SLC9A5: variants seen among roughly 807,000 people sequenced by gnomAD.
The protein encoded by SLC9A5 is solute carrier family 9 member A5.
In SLC9A5, 52 loss-of-function variants were observed where a neutral mutation model predicts 91.7. The ratio of observed to expected loss-of-function variants is 0.57; its 90% CI spans 0.45 to 0.71. The LOEUF is 0.71. Among genes scored for constraint, SLC9A5 ranks in the 30% least tolerant of loss-of-function variants. SLC9A5 has a pLI of 0.00. For missense variants in SLC9A5, 871 were observed against 1,158.9 expected, an observed-to-expected ratio of 0.75 and a Z score of 3.61; for synonymous variants, 419 against 474.5, an observed-to-expected ratio of 0.88 and a Z score of 1.52.
intron 2 of SLC9A5, among the ~76,000 whole-genome samples, 161 bp downstream of exon 2, chr16:67,253,005 A>C (rs915752065): frequency 3.3e-5 from 5 of 152,220 alleles, no homozygotes; most frequent in African/African-American, 4.8e-5. Flanking sequence ...TTCAGGCCTC[A>C]TTGAGGTCTC....
chr16:67,249,034 C>T lies in SLC9A5; in HGVS notation c.20C>T (p.Ser7Phe). ...GGCAGGATGCTGCGCGCCGCCCTGT[C>T]CCTGCTCGCGCTGCCCCTGGCGGGG... is the stretch of plus-strand genomic sequence containing the variant. Reference protein sequence around the residue: MLRAALSLLALPLAGAA... With the variant: MLRAALFLLALPLAGAA... Residue 7 changes from serine (S) to phenylalanine (F), a missense_variant, in exon 1 of 16, where the codon TCC (serine) becomes TTC (phenylalanine). Ser to Phe is a radical substitution (Grantham distance 155). Around this residue, in one of 3 missense-constraint regions of SLC9A5, gnomAD observed 122 missense variants for 114.5 expected, o/e 1.07. Transcript: ENST00000299798. 6.7e-7 allele frequency: 1 copy of T among 1,488,324 alleles called. No homozygotes were observed. 92.2% of individuals were successfully genotyped at this position (1,488,324 alleles called of 1,614,324 possible). A position where few individuals can be genotyped will look rare whatever the true frequency, so the allele number is the denominator to read the frequency against.
chr16:67,257,352 C>T lies in SLC9A5; in HGVS notation c.1343C>T (p.Thr448Ile). 2.5e-6 allele frequency: 4 copies of T among 1,613,482 alleles called. No individual in the cohort carries two copies. The highest frequency in any genetic ancestry group is 2.5e-6 in the Non-Finnish European group (3 of 1,179,366). The stretch of plus-strand genomic sequence containing the variant: ...CCTCCTGCCTGTCCATAGGGCTTGA[C>T]CATCAAGCCACTGGTCAAATGGCTG... Reference protein sequence around the residue: ...VFFTVIVQGLTIKPLVKWLKV... With the variant: ...VFFTVIVQGLIIKPLVKWLKV... The change falls in exon 8 of 16, where the codon ACC (threonine) becomes ATC (isoleucine). Residue 448 changes from threonine (T) to isoleucine (I), a missense_variant. Physicochemically the swap from Thr to Ile is moderately conservative, Grantham distance 89. Coordinates refer to ENST00000299798, the MANE Select transcript of SLC9A5 (RefSeq NM_004594.3). This position sits in a 1 kb window ranked among gnomAD's most constrained non-coding sequence, Gnocchi z 5.1.
In SLC9A5 at chr16:67,271,167, C is replaced by T. The variant is rs1322948420; in HGVS notation, c.2648C>T (p.Thr883Ile). The T allele has an allele frequency of 3.1e-6, 5 of 1,612,926 alleles. No individual in the cohort carries two copies. Among genetic ancestry groups the T allele is most frequent in the Admixed American group, 1.7e-5 (1 of 60,008 alleles). ...ACCCATCTCAGCCCAGGCACCGCTA[C>T]CTCCCACTGGTGCATCCAGTTCAAC... ...DHTHLSPGTA[T>I]SHWCIQFNRG... The change falls in exon 16 of 16, where the codon ACC becomes ATC. Residue 883 changes from threonine (T) to isoleucine (I), a missense_variant. This residue lies in a region of SLC9A5 where 295 missense variants were observed against 326.0 expected (regional missense o/e 0.90). Transcript: ENST00000299798.
Position 67,256,877 on chromosome 16 carries a change from C to T in SLC9A5, c.1133-34C>T, listed in dbSNP as rs764777990. ...CCGGTCCCACGTCCTCCACTCCCAA[C>T]GCTTTGCTCCCACTGGCCTCCCTCC... is the stretch of plus-strand genomic sequence containing the variant. On this transcript the variant is annotated intron_variant, in intron 6 of 15. Coordinates refer to ENST00000299798, the MANE Select transcript of SLC9A5 (RefSeq NM_004594.3). This position sits in a 1 kb window ranked among gnomAD's most constrained non-coding sequence, Gnocchi z 4.1. 12 of 1,605,756 alleles carry T rather than the reference C, an allele frequency of 7.5e-6. No homozygotes were observed. The highest frequency in any genetic ancestry group is 4.5e-5 in the East Asian group (2 of 44,844).
chr16:67,269,297 T>C (rs572562245), intron 15 of SLC9A5, among the ~76,000 whole-genome samples: 3 of 151,442 alleles, frequency 2.0e-5, no homozygotes, highest in African/African-American at 7.3e-5. Flanking sequence ...CTAGGCATGG[T>C]GGTGGGCACC....
rs1352014137 is a variant in SLC9A5, at chr16:67,257,671, C to G, written c.1496+70C>G. 2.6e-6 allele frequency: 4 copies of G among 1,509,724 alleles called. No homozygotes were observed. Among genetic ancestry groups the G allele is most frequent in the Non-Finnish European group, 3.7e-6 (4 of 1,087,196 alleles). The allele number at this position is 1,509,724 out of a possible 1,614,324, so 93.5% of individuals were successfully genotyped here. The stretch of plus-strand genomic sequence containing the variant: ...CAGCCAGGGAAGCATGGGGGATGTG[C>G]CACACTTCTGAGAAGGGACAGAGCC... On this transcript the variant is annotated intron_variant, in intron 9 of 15. Transcript: ENST00000299798. The surrounding 1 kb of genome is among the most constrained non-coding windows in gnomAD (Gnocchi z 5.1).
chr16:67,257,720 C>A lies in SLC9A5; in HGVS notation c.1496+119C>A. The A allele has an allele frequency of 9.9e-7, 1 of 1,009,888 alleles. No individual in the cohort carries two copies. The highest frequency in any genetic ancestry group is 1.5e-6 in the Non-Finnish European group (1 of 660,440). 62.6% of individuals were successfully genotyped at this position (1,009,888 alleles called of 1,614,324 possible). A position where few individuals can be genotyped will look rare whatever the true frequency, so the allele number is the denominator to read the frequency against. On this transcript the variant is annotated intron_variant, in intron 9 of 15. Transcript: ENST00000299798. This position sits in a 1 kb window ranked among gnomAD's most constrained non-coding sequence, Gnocchi z 5.1. ...CCAGGTTCAGGCTGGGTGACCTCTGCCTGAAGCCCTTCAGTGGCATCCCAG... is the reference window on the plus strand; with the variant it reads ...CCAGGTTCAGGCTGGGTGACCTCTGACTGAAGCCCTTCAGTGGCATCCCAG...
rs939453669 is a variant in SLC9A5, at chr16:67,251,403, C to CTTT, written c.188-1113_188-1111dup. 8.3e-4 allele frequency among the ~76,000 whole-genome samples: 54 copies of CTTT among 64,814 alleles called. 7 individuals are homozygous for CTTT. Among genetic ancestry groups the CTTT allele is most frequent in the African/African-American group, 2.0e-3 (26 of 13,256 alleles). The allele number at this position is 64,814 out of a possible 152,430, so 42.5% of individuals were successfully genotyped here. On this transcript the variant is annotated intron_variant, in intron 1 of 15. Coordinates refer to ENST00000299798, the MANE Select transcript of SLC9A5 (RefSeq NM_004594.3). ...TGCTAAGTGCTTTTGAGTAGATTGT[C>CTTT]TTTTTTTTTTTTTTTTTTTTTTTTT...
Position 67,258,626 on chromosome 16 carries a change from G to A in SLC9A5, c.1626+179G>A, listed in dbSNP as rs913309170. ...GCTGGGTCTGGTGCTGACATTCAGA[G>A]TCTGGCAGGCAGTCCAGAGAGGTGG... On this transcript the variant is annotated intron_variant, in intron 10 of 15. Coordinates refer to ENST00000299798, the MANE Select transcript of SLC9A5 (RefSeq NM_004594.3). This position sits in a 1 kb window ranked among gnomAD's most constrained non-coding sequence, Gnocchi z 4.5. 9.8e-5 allele frequency among the ~76,000 whole-genome samples: 15 copies of A among 152,354 alleles called. No individual in the cohort carries two copies. The highest frequency in any genetic ancestry group is 2.4e-4 in the African/African-American group (10 of 41,576).
chr16:67,252,115 A>C lies in SLC9A5; in HGVS notation c.188-427A>C, dbSNP rs1295556452. Among the ~76,000 whole-genome samples the C allele has an allele frequency of 6.6e-6, 1 of 152,070 alleles. No individual in the cohort carries two copies. On this transcript the variant is annotated intron_variant, in intron 1 of 15. Transcript: ENST00000299798. This position sits in a 1 kb window ranked among gnomAD's most constrained non-coding sequence, Gnocchi z 4.0. Reference sequence around the variant, plus strand: ...AGGGTTTGTAGCCCTGGAGATTGGAAATTCTAGAAGTCTTGCATATTTCTC... The same window carrying C: ...AGGGTTTGTAGCCCTGGAGATTGGACATTCTAGAAGTCTTGCATATTTCTC...
chr16:67,271,408 C>T lies in SLC9A5; in HGVS notation c.*198C>T. 1.7e-6 allele frequency: 1 copy of T among 599,148 alleles called. No individual in the cohort carries two copies. Among genetic ancestry groups the T allele is most frequent in the South Asian group, 2.0e-5 (1 of 49,880 alleles). The allele number at this position is 599,148 out of a possible 1,614,324, so 37.1% of individuals were successfully genotyped here. On this transcript the variant is annotated 3_prime_UTR_variant, in exon 16 of 16. Transcript: ENST00000299798. ...TTTCTCACCACCTCCCTGCTCCTAACCCCTGCCACTTTCTGTTTCATTAAG... is the reference window on the plus strand; with the variant it reads ...TTTCTCACCACCTCCCTGCTCCTAATCCCTGCCACTTTCTGTTTCATTAAG...
Position 67,256,954 on chromosome 16 carries a change from C to A in SLC9A5, c.1176C>A (p.Val392=). 2 of 1,614,144 alleles carry A rather than the reference C, an allele frequency of 1.2e-6. No individual in the cohort carries two copies. ...GGGTGCTGAATCAGTTCCGGCTAGT[C>A]CCTCTGGACAAGATTGACCAAGTGG... is the stretch of plus-strand genomic sequence containing the variant. ...QTWVLNQFRL[V]PLDKIDQVVM... Residue 392 remains valine (V), a synonymous_variant, in exon 7 of 16, where the codon GTC becomes GTA. Coordinates refer to ENST00000299798, the MANE Select transcript of SLC9A5 (RefSeq NM_004594.3). This position sits in a 1 kb window ranked among gnomAD's most constrained non-coding sequence, Gnocchi z 4.1.
intron 1 of SLC9A5, among the ~76,000 whole-genome samples, chr16:67,250,328 T>G (rs1314491627): frequency 6.6e-6 from 1 of 151,850 alleles, no homozygotes; most frequent in African/African-American, 2.4e-5. Context: ...CATGAAGAGA[T>G]GAAGATGAAA....
intron 13 of SLC9A5, 74 bp downstream of exon 13, chr16:67,264,596 G>A: frequency 1.3e-6 from 2 of 1,500,858 alleles, no homozygotes; most frequent in Non-Finnish European, 1.9e-6. Flanking sequence ...CCTAGTGTTA[G>A]GATCCAGCTT....
At chr16:67,261,841 A>C (rs1005174827) in intron 12 of SLC9A5, 2 of 153,328 alleles carry the variant, frequency 1.3e-5, no homozygotes, top group Admixed American at 1.3e-4. Context: ...TTAAATCTAG[A>C]GGCCTGATCA....
At chr16:67,266,261 G>A (rs532949965) in intron 15 of SLC9A5, 36 bp downstream of exon 15, 17 of 1,553,348 alleles carry the variant, frequency 1.1e-5, no homozygotes, top group Non-Finnish European at 1.5e-5. Context: ...CCCCTCTGGA[G>A]CAAGCTGGTT....
At chr16:67,259,470 A>G in intron 10 of SLC9A5, 103 bp from the exon 11 acceptor site, 1 of 813,442 alleles carries the variant, frequency 1.2e-6, no homozygotes, top group South Asian at 1.5e-5. Flanking sequence ...GGCATGTCAA[A>G]AGAGTAAACT....
At chr16:67,262,092 C>G (rs2035550605) in intron 12 of SLC9A5, 2 of 336,584 alleles carry the variant, frequency 5.9e-6, no homozygotes, top group Middle Eastern at 3.9e-4. Flanking sequence ...AGCCCATCAT[C>G]CCATTGTTTG....
In SLC9A5 at chr16:67,256,646, G is replaced by C; in HGVS notation, c.1089G>C (p.Leu363=). The change falls in exon 6 of 16, where the codon CTG becomes CTC. Residue 363 remains leucine (L), a synonymous_variant. Coordinates refer to ENST00000299798, the MANE Select transcript of SLC9A5 (RefSeq NM_004594.3). This position sits in a 1 kb window ranked among gnomAD's most constrained non-coding sequence, Gnocchi z 4.1. ...DSSKWAWDSG[L]VLGTLIFILF... ...CTAAGTGGGCCTGGGATTCTGGGCTGGTGCTGGGCACCCTCATCTTCATCC... is the reference window on the plus strand; with the variant it reads ...CTAAGTGGGCCTGGGATTCTGGGCTCGTGCTGGGCACCCTCATCTTCATCC... 6.2e-7 allele frequency: 1 copy of C among 1,613,896 alleles called. No individual in the cohort carries two copies. Among genetic ancestry groups the C allele is most frequent in the Non-Finnish European group, 8.5e-7 (1 of 1,180,014 alleles).
Sources: gnomAD v4.1 joint callset for allele counts (sites outside exome capture counted in the v4.1 genomes callset) on GRCh38, gnomAD v4.1.1 for gene constraint, gnomAD v4.1.1 regional missense constraint, Gnocchi (gnomAD v3.1) non-coding constraint, MANE v1.5 for transcripts, NCBI Gene and HGNC (gene_info 2026-07-23, HGNC 2026-07-21) for gene names.